The following EPHX2 variants were observed in gnomAD, a reference collection of about 807,000 sequenced individuals.
EPHX2 encodes epoxide hydrolase 2, also known as bifunctional epoxide hydrolase 2.
A neutral mutation model predicts 78.7 loss-of-function variants in EPHX2; 74 were observed. That is an observed-to-expected ratio of 0.94 (90% CI 0.78 to 1.14). The LOEUF is 1.14. Among genes scored for constraint, EPHX2 ranks in the 50% most tolerant of loss-of-function variants. The pLI is 0.00. For missense variants in EPHX2, 715 were observed against 702.5 expected (o/e 1.02, Z -0.20); for synonymous variants, 251 against 255.2 (o/e 0.98, Z 0.16).
At chr8:27,527,556 C>T (rs1039127315) in intron 12 of EPHX2, among the ~76,000 whole-genome samples, 2 of 152,170 alleles carry the variant, frequency 1.3e-5, no homozygotes, top group Non-Finnish European at 2.9e-5. Flanking sequence ...CATCTCCCCT[C>T]CTCCCAGCCC....
At chr8:27,496,724 C>G (rs1275858515) in intron 1 of EPHX2, among the ~76,000 whole-genome samples, 1 of 152,150 alleles carries the variant, frequency 6.6e-6, no homozygotes, top group Admixed American at 6.5e-5. Context: ...CCTTTATGAG[C>G]TTCAGGCCTT....
At chr8:27,499,939 T>C (rs1813704164) in intron 1 of EPHX2, among the ~76,000 whole-genome samples, 1 of 152,230 alleles carries the variant, frequency 6.6e-6, no homozygotes, top group Non-Finnish European at 1.5e-5. Context: ...AGCCCACCTG[T>C]ATGATCTTAT....
At chr8:27,529,289 T>C (rs542096330) in intron 12 of EPHX2, among the ~76,000 whole-genome samples, 39 of 152,268 alleles carry the variant, frequency 2.6e-4, no homozygotes, top group Non-Finnish European at 4.6e-4. Context: ...CAGCTTTCCA[T>C]GTGTATAGTG....
rs1192084162 is a variant in EPHX2 at position 27,503,754 on chromosome 8, A to G, written c.337A>G (p.Arg113Gly). Reference protein sequence around the residue: ...RPMLQAALMLRKKGFTTAILT... With the variant: ...RPMLQAALMLGKKGFTTAILT... The stretch of plus-strand genomic sequence containing the variant: ...CATGCTCCAGGCAGCTCTCATGCTC[A>G]GGAAGAAAGGTAAGGATCTGATACT... Residue 113 changes from arginine (R) to glycine (G), a missense_variant, in exon 3 of 19, where the codon AGG (arginine) becomes GGG (glycine). Physicochemically the swap from Arg to Gly is moderately radical, Grantham distance 125. Transcript: ENST00000521400. The G allele has an allele frequency of 3.1e-6, 5 of 1,611,614 alleles. No homozygotes were observed. The highest frequency in any genetic ancestry group is 4.5e-5 in the East Asian group (2 of 44,878).
intron 16 of EPHX2, among the ~76,000 whole-genome samples, chr8:27,543,494 G>A (rs537801536): frequency 1.2e-4 from 18 of 152,102 alleles, no homozygotes; most frequent in African/African-American, 3.1e-4. Context: ...CCATCAATTC[G>A]GTTCTCCCAG....
chr8:27,503,696 CA>C lies in EPHX2; in HGVS notation c.281del (p.Lys94ArgfsTer46). ...ATTTCTCCATAAAAGAAATCTTTGACAAGGCGATTTCAGCCAGAAAGATCAA... is the reference window on the plus strand; with the variant it reads ...ATTTCTCCATAAAAGAAATCTTTGACAGGCGATTTCAGCCAGAAAGATCAA... ...KNFSIKEIFDKAISARKINRP... is the reference protein window; with the variant it reads ...KNFSIKEIFDXAISARKINRP... On this transcript the variant is annotated frameshift_variant, in exon 3 of 19. Coordinates refer to ENST00000521400, the MANE Select transcript of EPHX2 (RefSeq NM_001979.6). LOFTEE classifies it high-confidence loss of function. 1 of 1,613,996 alleles carries C rather than the reference CA, an allele frequency of 6.2e-7. No homozygotes were observed. Among genetic ancestry groups the C allele is most frequent in the Non-Finnish European group, 8.5e-7 (1 of 1,180,008 alleles).
At chr8:27,516,561 C>CT (rs147223501) in intron 8 of EPHX2, among the ~76,000 whole-genome samples, 163 bp downstream of exon 8, 2,188 of 152,270 alleles carry the variant, frequency 0.014, 33 homozygotes, top group Non-Finnish European at 0.022. Context: ...TGTCTCTGCA[C>CT]TTTGGGCCTC....
Position 27,504,936 on chromosome 8 carries a change from A to G in EPHX2, c.347-20A>G. 1.9e-5 allele frequency: 30 copies of G among 1,612,950 alleles called. No homozygotes were observed. Among genetic ancestry groups the G allele is most frequent in the Non-Finnish European group, 2.5e-5 (30 of 1,179,860 alleles). On this transcript the variant is annotated intron_variant, in intron 3 of 18. Coordinates refer to ENST00000521400, the MANE Select transcript of EPHX2 (RefSeq NM_001979.6). ...GCAAAGGTCTGTAGCTGGTCTATCTACTGGTGGCTTTTTGCTCAGGATTCA... is the reference window on the plus strand; with the variant it reads ...GCAAAGGTCTGTAGCTGGTCTATCTGCTGGTGGCTTTTTGCTCAGGATTCA...
intron 16 of EPHX2, among the ~76,000 whole-genome samples, chr8:27,542,476 T>C (rs1815433375): frequency 1.3e-5 from 2 of 152,198 alleles, no homozygotes; most frequent in African/African-American, 4.8e-5. Context: ...CAAGCAGTAC[T>C]GGGAACCTAT....
At chr8:27,537,874 GT>G (rs1395555371) in intron 13 of EPHX2, among the ~76,000 whole-genome samples, 1 of 152,094 alleles carries the variant, frequency 6.6e-6, no homozygotes, top group Non-Finnish European at 1.5e-5. Context: ...GTGAGTGTGG[GT>G]TTTGTAATTT....
intron 8 of EPHX2, among the ~76,000 whole-genome samples, chr8:27,516,812 A>G (rs1295938273): frequency 2.6e-5 from 4 of 152,190 alleles, no homozygotes; most frequent in Admixed American, 6.5e-5. Context: ...AAGACTGCAT[A>G]TAAGTGGAAT....
chr8:27,521,419 G>A (rs1473239613), intron 10 of EPHX2, among the ~76,000 whole-genome samples: 2 of 152,180 alleles, frequency 1.3e-5, no homozygotes, highest in African/African-American at 4.8e-5. Flanking sequence ...CCCCAAGTGA[G>A]GTCAGAGGGG....
In EPHX2 at chr8:27,511,861, C is replaced by T. The variant is rs1375270625; in HGVS notation, c.686C>T (p.Pro229Leu). 1.4e-5 allele frequency: 23 copies of T among 1,614,040 alleles called. No homozygotes were observed. Among genetic ancestry groups the T allele is most frequent in the Non-Finnish European group, 1.9e-5 (23 of 1,180,026 alleles). Residue 229 changes from proline to leucine, a missense_variant, in exon 6 of 19, where the codon CCG becomes CTG. Coordinates refer to ENST00000521400, the MANE Select transcript of EPHX2 (RefSeq NM_001979.6). ...IQLLNTPAPL[P>L]TSCNPSDMSH... ...CTTCTCAATACCCCGGCCCCTCTGC[C>T]GACCTCTTGCAATCCAAGTGACATG...
intron 6 of EPHX2, among the ~76,000 whole-genome samples, chr8:27,512,362 C>A (rs1283320470): frequency 6.6e-6 from 1 of 152,226 alleles, no homozygotes. Flanking sequence ...AGCATGTTTT[C>A]ATTCAACAGG....
chr8:27,491,241 C>T lies in EPHX2; in HGVS notation c.33C>T (p.Asp11=), dbSNP rs778334106. Residue 11 remains aspartate, a synonymous_variant, in exon 1 of 19, where the codon GAC becomes GAT. Coordinates refer to ENST00000521400, the MANE Select transcript of EPHX2 (RefSeq NM_001979.6). MTLRAAVFDL[D]GVLALPAVFG... ...TGCGCGCGGCCGTCTTCGACCTTGA[C>T]GGGGTGCTGGCGCTGCCAGCGGTGT... The T allele has an allele frequency of 3.8e-6, 6 of 1,585,536 alleles. No homozygotes were observed. In the South Asian group the frequency reaches 4.5e-5, roughly 12 times the overall value.
intron 11 of EPHX2, among the ~76,000 whole-genome samples, chr8:27,522,830 G>A (rs1246475854): frequency 6.6e-5 from 10 of 151,928 alleles, no homozygotes; most frequent in Admixed American, 5.2e-4. Flanking sequence ...GCATGGTGGC[G>A]TGCACCTATA....
intron 12 of EPHX2, among the ~76,000 whole-genome samples, chr8:27,532,240 C>T (rs910943947): frequency 3.3e-5 from 5 of 152,082 alleles, no homozygotes; most frequent in African/African-American, 1.2e-4. Context: ...AAGATACCCC[C>T]TGGAGACATG....
intron 10 of EPHX2, among the ~76,000 whole-genome samples, chr8:27,521,591 G>A (rs1814650127): frequency 6.6e-6 from 1 of 152,184 alleles, no homozygotes; most frequent in Admixed American, 6.5e-5. Flanking sequence ...TGCCTGACAC[G>A]GCAGGGAAGA....
Position 27,491,301 on chromosome 8 carries a change from G to C in EPHX2, c.93G>C (p.Ala31=), listed in dbSNP as rs1224281363. Residue 31 remains alanine, a synonymous_variant, in exon 1 of 19, where the codon GCG becomes GCC. Transcript: ENST00000521400. The part of the protein sequence containing the change: ...GVLGRTEEAL[A]LPRGLLNDAF... ...TCGGCCGCACGGAGGAGGCCCTGGC[G>C]CTGCCCAGGTAAGGGGGCCCAGCGC... 6.5e-7 allele frequency: 1 copy of C among 1,546,936 alleles called. No individual in the cohort carries two copies. The highest frequency in any genetic ancestry group is 8.6e-7 in the Non-Finnish European group (1 of 1,157,162).
Sources: allele counts gnomAD v4.1 joint callset (sites outside exome capture counted in the v4.1 genomes callset), GRCh38; gene constraint gnomAD v4.1.1; transcripts MANE v1.5; gene names NCBI Gene and HGNC (gene_info 2026-07-23, HGNC 2026-07-21).